The following DCUN1D4 variants were observed in gnomAD, a reference collection of about 807,000 sequenced individuals.
DCUN1D4 encodes the protein defective in cullin neddylation 1 domain containing 4, also known as DCN1-like protein 4.
DCUN1D4 carries 22 observed loss-of-function variants against 47.9 expected under a neutral mutation model. That is an observed-to-expected ratio of 0.46 (90% CI 0.33 to 0.66). DCUN1D4 has a LOEUF of 0.66. Among genes scored for constraint, DCUN1D4 ranks in the 30% least tolerant of loss-of-function variants. DCUN1D4 has a pLI of 0.02. For missense variants in DCUN1D4, 301 were observed against 340.8 expected, an observed-to-expected ratio of 0.88 and a Z score of 0.92; for synonymous variants, 121 against 112.2, an observed-to-expected ratio of 1.08 and a Z score of -0.50.
At chr4:51,876,405 CG>C (rs1453307893) in intron 4 of DCUN1D4, among the ~76,000 whole-genome samples, 2 of 131,420 alleles carry the variant, frequency 1.5e-5, no homozygotes, top group African/African-American at 2.9e-5. Flanking sequence ...CATCACACAC[CG>C]GGGGGCCTGT....
rs775303174 is a variant in DCUN1D4 at position 51,877,810 on chromosome 4, C to G, written c.299C>G (p.Ala100Gly). Residue 100 changes from alanine to glycine, a missense_variant, in exon 5 of 11, where the codon GCC (alanine) becomes GGC (glycine). Around this residue, in one of 2 missense-constraint regions of DCUN1D4, gnomAD observed 170 missense variants for 234.5 expected, o/e 0.73. Coordinates refer to ENST00000334635, the MANE Select transcript of DCUN1D4 (RefSeq NM_001040402.3). ...DSTRIKTEEEAFSSKRCLEWF... is the reference protein window; with the variant it reads ...DSTRIKTEEEGFSSKRCLEWF... ...ACTAGAATAAAGACTGAAGAAGAAG[C>G]CTTTTCAAGTAAAAGGTGCTTGGAA... 148 of 1,611,928 alleles carry G rather than the reference C, an allele frequency of 9.2e-5. No homozygotes were observed. The Admixed American group carries it at 2.4e-3, about 26-fold the overall frequency.
At chr4:51,910,942 A>G (rs1733634342) in intron 8 of DCUN1D4, 128 bp from the exon 9 acceptor site, 1 of 854,266 alleles carries the variant, frequency 1.2e-6, no homozygotes. Context: ...GTCTGGATGC[A>G]GGGTCTTTAA....
intron 5 of DCUN1D4, among the ~76,000 whole-genome samples, chr4:51,878,421 A>G (rs1728022658): frequency 6.6e-6 from 1 of 152,178 alleles, no homozygotes; most frequent in Admixed American, 6.5e-5. Flanking sequence ...AACAAGCTCA[A>G]GCTGAAGGCT....
chr4:51,873,104 A>G (rs1727163126), intron 3 of DCUN1D4, among the ~76,000 whole-genome samples: 1 of 152,186 alleles, frequency 6.6e-6, no homozygotes, highest in Admixed American at 6.5e-5. Context: ...GAACTCACTC[A>G]TTGACTGCAG....
At chr4:51,842,825 C>G (rs1356112821), upstream of DCUN1D4, among the ~76,000 whole-genome samples, 1 of 152,194 alleles carries the variant, frequency 6.6e-6, no homozygotes, top group African/African-American at 2.4e-5. Flanking sequence ...CAATCCCGCC[C>G]GCCACTGGGC....
chr4:51,852,355 A>G (rs1177260473), intron 1 of DCUN1D4, among the ~76,000 whole-genome samples: 1 of 152,240 alleles, frequency 6.6e-6, no homozygotes, highest in Non-Finnish European at 1.5e-5. Flanking sequence ...ACGACATTGC[A>G]GCAAAACTAG....
intron 7 of DCUN1D4, among the ~76,000 whole-genome samples, chr4:51,896,787 G>A (rs1421212279): frequency 1.3e-5 from 2 of 151,974 alleles, no homozygotes. Flanking sequence ...CTTCTCCATG[G>A]AGATCAAGAG....
At chr4:51,910,382 C>G (rs1733542369) in intron 8 of DCUN1D4, among the ~76,000 whole-genome samples, 1 of 152,034 alleles carries the variant, frequency 6.6e-6, no homozygotes, top group South Asian at 2.1e-4. Flanking sequence ...GAAATGTTGT[C>G]TTTCACTTGG....
intron 7 of DCUN1D4, among the ~76,000 whole-genome samples, chr4:51,897,905 A>G (rs1239495369): frequency 1.3e-5 from 2 of 152,222 alleles, no homozygotes. Context: ...AGAAAATAAG[A>G]AGGTCATGTG....
intron 6 of DCUN1D4, among the ~76,000 whole-genome samples, chr4:51,887,398 C>T (rs576077099): frequency 6.6e-6 from 1 of 152,248 alleles, no homozygotes; most frequent in East Asian, 1.9e-4. Context: ...CAGCACCCGG[C>T]CATGATTGCT....
At chr4:51,840,166 T>C (rs564346113), upstream of DCUN1D4, among the ~76,000 whole-genome samples, 17 of 152,214 alleles carry the variant, frequency 1.1e-4, no homozygotes, top group African/African-American at 4.1e-4. Context: ...AATTTTTTTC[T>C]CCAGGGATTC....
At chr4:51,888,622 G>C (rs1339116590) in intron 6 of DCUN1D4, among the ~76,000 whole-genome samples, 2 of 151,582 alleles carry the variant, frequency 1.3e-5, no homozygotes, top group Non-Finnish European at 2.9e-5. Context: ...AGGAGGTTGA[G>C]GCAGGAGAAT....
At chr4:51,901,317 G>A (rs1189703667) in intron 8 of DCUN1D4, among the ~76,000 whole-genome samples, 1 of 152,146 alleles carries the variant, frequency 6.6e-6, no homozygotes, top group African/African-American at 2.4e-5. Flanking sequence ...AAGAAAGTGC[G>A]CTTCAGCAAA....
chr4:51,836,037 T>G, the DCUN1D4 span, among the ~76,000 whole-genome samples: 2 of 152,188 alleles, frequency 1.3e-5, no homozygotes, highest in East Asian at 1.9e-4. Context: ...TCCCATCATT[T>G]GAGTGCAGGC....
chr4:51,875,927 C>A (rs577982542), intron 4 of DCUN1D4, among the ~76,000 whole-genome samples: 7 of 151,868 alleles, frequency 4.6e-5, no homozygotes, highest in African/African-American at 1.7e-4. Flanking sequence ...ATGCCTGGGC[C>A]CAGAATTAGA....
chr4:51,841,545 G>A (rs1721652565), upstream of DCUN1D4, among the ~76,000 whole-genome samples: 1 of 151,748 alleles, frequency 6.6e-6, no homozygotes, highest in South Asian at 2.1e-4. Context: ...GAAAGAACCT[G>A]AAGCAAATAA....
At position 51,872,549 on chromosome 4, in the gene DCUN1D4, C is replaced by T. The variant is rs555090853; in HGVS notation, c.137-1722C>T. On this transcript the variant is annotated intron_variant, in intron 3 of 10. Transcript: ENST00000334635. ...GCAATTGAACACTCCCTTCTCAAAG[C>T]ATGCTCTCCTCCTTTGGCTTCCAGG... Among the ~76,000 whole-genome samples the T allele has an allele frequency of 9.2e-5, 14 of 152,358 alleles. No individual in the cohort carries two copies. In the East Asian group the frequency reaches 2.5e-3, roughly 27 times the overall value.
chr4:51,850,438 G>A (rs1047610259), intron 1 of DCUN1D4, among the ~76,000 whole-genome samples: 6 of 152,128 alleles, frequency 3.9e-5, no homozygotes, highest in Admixed American at 6.5e-5. Flanking sequence ...TGGGAGGCAA[G>A]AAAGCCAAAA....
chr4:51,877,902 G>GATC, intron 5 of DCUN1D4, 48 bp downstream of exon 5: 5 of 1,276,984 alleles, frequency 3.9e-6, no homozygotes, highest in Non-Finnish European at 5.5e-6. Context: ...TGACAATAAG[G>GATC]AGTACCTTAG....
Sources: gnomAD v4.1 joint callset for allele counts (sites outside exome capture counted in the v4.1 genomes callset) on GRCh38, gnomAD v4.1.1 for gene constraint, gnomAD v4.1.1 regional missense constraint, MANE v1.5 for transcripts, NCBI Gene and HGNC (gene_info 2026-07-23, HGNC 2026-07-21) for gene names.